The following ARHGEF10L variants were observed in gnomAD, a reference collection of about 807,000 sequenced individuals.
ARHGEF10L encodes the protein Rho guanine nucleotide exchange factor 10 like, also known as rho guanine nucleotide exchange factor 10-like protein.
A neutral mutation model predicts 141.2 loss-of-function variants in ARHGEF10L; 69 were observed. The observed-to-expected ratio is 0.49, with a 90% CI of 0.40 to 0.60. The LOEUF (loss-of-function observed/expected upper bound fraction) is 0.60. ARHGEF10L is among the 20% of genes least tolerant of loss of function. The pLI is 0.00. For synonymous variants in ARHGEF10L, 711 were observed against 718.5 expected, an observed-to-expected ratio of 0.99 and a Z score of 0.17; for missense variants, 1,482 against 1,734.3, an observed-to-expected ratio of 0.85 and a Z score of 2.58.
chr1:17,638,616 C>T lies in ARHGEF10L; in HGVS notation c.2098C>T (p.Arg700Trp), dbSNP rs985245757. The change falls in exon 20 of 29, where the codon CGG becomes TGG. Residue 700 changes from arginine (R) to tryptophan (W), a missense_variant. By Grantham distance (101) the Arg-to-Trp change is moderately radical. Around this residue, in one of 3 missense-constraint regions of ARHGEF10L, gnomAD observed 858 missense variants for 966.3 expected, o/e 0.89. Transcript: ENST00000361221. Reference protein sequence around the residue: ...DWCLALQRLMRVKEEEIHSAN... With the variant: ...DWCLALQRLMWVKEEEIHSAN... ...GTGCCTGGCCCTGCAGAGGCTGATG[C>T]GGGTGAAGGAGGAAGAGATCCACTC... 14 of 1,613,936 alleles carry T rather than the reference C, an allele frequency of 8.7e-6. No individual in the cohort carries two copies. The highest frequency in any genetic ancestry group is 2.2e-5 in the South Asian group (2 of 91,076).
chr1:17,537,681 G>A (rs1446957128), upstream of ARHGEF10L, among the ~76,000 whole-genome samples: 2 of 152,002 alleles, frequency 1.3e-5, no homozygotes, highest in African/African-American at 2.4e-5. Flanking sequence ...GGGGCATCCT[G>A]AGCTGGAGGC....
At chr1:17,583,876 G>C (rs531564238) in intron 2 of ARHGEF10L, among the ~76,000 whole-genome samples, 1 of 152,164 alleles carries the variant, frequency 6.6e-6, no homozygotes, top group South Asian at 2.1e-4. Flanking sequence ...TTTTGAGACA[G>C]GATTTTGCTC....
At position 17,623,287 on chromosome 1, in the gene ARHGEF10L, C is replaced by T; in HGVS notation, c.1200+112C>T. On this transcript the variant is annotated intron_variant, in intron 12 of 28. Transcript: ENST00000361221. The surrounding 1 kb of genome is among the most constrained non-coding windows in gnomAD (Gnocchi z 4.7). ...CTCTGCCTGCTTGCCTTGTTCAAGTCAGTGGGATTAGAGGGTGGCAGGGTC... is the reference window on the plus strand; with the variant it reads ...CTCTGCCTGCTTGCCTTGTTCAAGTTAGTGGGATTAGAGGGTGGCAGGGTC... 7.5e-7 allele frequency: 1 copy of T among 1,331,606 alleles called. No individual in the cohort carries two copies. The highest frequency in any genetic ancestry group is 1.4e-5 in the South Asian group (1 of 70,642). The allele number at this position is 1,331,606 out of a possible 1,614,324, so 82.5% of individuals were successfully genotyped here. A position where few individuals can be genotyped will look rare whatever the true frequency, so the allele number is the denominator to read the frequency against.
chr1:17,566,024 GTGTT>G (rs140868158), intron 1 of ARHGEF10L, among the ~76,000 whole-genome samples: 7,875 of 152,198 alleles, frequency 0.052, 239 homozygotes, highest in Non-Finnish European at 0.063. Flanking sequence ...TTGTAGCCTG[GTGTT>G]TGTCTGCCAT....
intron 21 of ARHGEF10L, 88 bp downstream of exon 21, chr1:17,640,390 C>A: frequency 9.1e-7 from 1 of 1,103,706 alleles, no homozygotes; most frequent in East Asian, 2.7e-5. Context: ...GATGGGTGTT[C>A]GGGGTCAGCG....
intron 26 of ARHGEF10L, among the ~76,000 whole-genome samples, chr1:17,666,344 G>A (rs2062974671): frequency 6.6e-6 from 1 of 152,228 alleles, no homozygotes; most frequent in Non-Finnish European, 1.5e-5. Flanking sequence ...TGCTGGGAAG[G>A]GGAGGTGGAG....
chr1:17,592,408 A>G (rs1489508796), intron 4 of ARHGEF10L, among the ~76,000 whole-genome samples: 1 of 151,978 alleles, frequency 6.6e-6, no homozygotes, highest in Non-Finnish European at 1.5e-5. Context: ...TCTGGATAAG[A>G]TGGTTGTACT....
At chr1:17,661,786 G>C (rs1268527163) in intron 25 of ARHGEF10L, among the ~76,000 whole-genome samples, 1 of 152,234 alleles carries the variant, frequency 6.6e-6, no homozygotes, top group Non-Finnish European at 1.5e-5. Flanking sequence ...CATTTTCTTG[G>C]CTCCAGCCTC....
At chr1:17,556,269 C>T (rs1486159904) in intron 1 of ARHGEF10L, among the ~76,000 whole-genome samples, 32 of 8,512 alleles carry the variant, frequency 3.8e-3, no homozygotes, top group African/African-American at 0.014. Context: ...GGGAGCATGG[C>T]GGCGGGGGGG....
At chr1:17,668,091 C>G (rs531228071) in intron 26 of ARHGEF10L, among the ~76,000 whole-genome samples, 2 of 152,152 alleles carry the variant, frequency 1.3e-5, no homozygotes, top group African/African-American at 4.8e-5. Flanking sequence ...GAGGACAAAC[C>G]GAGAACATTC....
chr1:17,524,745 A>G, the ARHGEF10L span, among the ~76,000 whole-genome samples: 264 of 152,244 alleles, frequency 1.7e-3, 1 homozygote, highest in African/African-American at 3.9e-3. Context: ...ATGTCTCCAG[A>G]AGTAAGCACC....
intron 2 of ARHGEF10L, among the ~76,000 whole-genome samples, chr1:17,583,168 G>A (rs1044304659): frequency 7.0e-5 from 10 of 142,266 alleles, no homozygotes; most frequent in Non-Finnish European, 1.2e-4. Context: ...TCGCACCACT[G>A]CCCTCCAGCC....
Position 17,623,071 on chromosome 1 carries a change from G to A in ARHGEF10L, c.1096G>A (p.Val366Met), listed in dbSNP as rs1473375822. 12 of 1,614,176 alleles carry A rather than the reference G, an allele frequency of 7.4e-6. No homozygotes were observed. Among genetic ancestry groups the A allele is most frequent in the Middle Eastern group, 1.7e-4 (1 of 6,056 alleles). ...ARKCQVVFFRVKEILHCHSMF... is the reference protein window; with the variant it reads ...ARKCQVVFFRMKEILHCHSMF... ...CAAGTGCCAGGTGGTGTTCTTCCGC[G>A]TGAAGGAGATCCTGCACTGCCACTC... Residue 366 changes from valine (V) to methionine (M), a missense_variant, in exon 12 of 29, where the codon GTG becomes ATG. Val to Met is a conservative substitution (Grantham distance 21). Transcript: ENST00000361221. This position sits in a 1 kb window ranked among gnomAD's most constrained non-coding sequence, Gnocchi z 4.7.
Position 17,602,126 on chromosome 1 carries a change from G to A in ARHGEF10L, c.258-1G>A, listed in dbSNP as rs2080740859. 1 of 1,563,720 alleles carries A rather than the reference G, an allele frequency of 6.4e-7. No individual in the cohort carries two copies. On this transcript the variant is annotated splice_acceptor_variant, in intron 4 of 28. Transcript: ENST00000361221. LOFTEE classifies it high-confidence loss of function. ...TCTGCAGTGCCATCTCTTGCCCGCA[G>A]GGTGCCAGCCTGGGTGAGCAATGGG...
At position 17,696,965 on chromosome 1, in the gene ARHGEF10L, G is replaced by T. The variant is rs147651088; in HGVS notation, c.3425G>T (p.Arg1142Leu). ...GACCAGGAGGAGGCTGAGGGGCCCC[G>T]GGCTGAGGAGGACAAGCCAGACGGG... ...RSDQEEAEGP[R>L]AEEDKPDGQA... Residue 1142 changes from arginine (R) to leucine (L), a missense_variant, in exon 29 of 29, where the codon CGG (arginine) becomes CTG (leucine). Transcript: ENST00000361221. 5 of 1,612,452 alleles carry T rather than the reference G, an allele frequency of 3.1e-6. No individual in the cohort carries two copies. Among genetic ancestry groups the T allele is most frequent in the Non-Finnish European group, 2.5e-6 (3 of 1,179,798 alleles).
chr1:17,558,113 CCA>C lies in ARHGEF10L; in HGVS notation c.-44+18164_-44+18165del, dbSNP rs1270949995. On this transcript the variant is annotated intron_variant, in intron 1 of 28. Transcript: ENST00000361221. The surrounding 1 kb of genome is among the most constrained non-coding windows in gnomAD (Gnocchi z 4.2). ...ATCTGTCTACCCGTTTGTCCATTGT[CCA>C]TCCATCCATCCATTCACTCATCCAT... Among the ~76,000 whole-genome samples the C allele has an allele frequency of 3.9e-5, 6 of 151,928 alleles. No homozygotes were observed. The highest frequency in any genetic ancestry group is 8.8e-5 in the Non-Finnish European group (6 of 67,978).
intron 15 of ARHGEF10L, 93 bp from the exon 16 acceptor site, chr1:17,632,228 C>G (rs933307685): frequency 4.1e-5 from 62 of 1,523,452 alleles, no homozygotes; most frequent in Non-Finnish European, 5.2e-5. Context: ...GCCTCAGTCT[C>G]CCTTTCTGCA....
At chr1:17,678,378 C>T (rs538523532) in intron 26 of ARHGEF10L, among the ~76,000 whole-genome samples, 8 of 151,164 alleles carry the variant, frequency 5.3e-5, no homozygotes, top group Admixed American at 3.9e-4. Context: ...TTCTATTCCA[C>T]TTCCTCCAGA....
the ARHGEF10L span, among the ~76,000 whole-genome samples, chr1:17,513,710 G>A: frequency 6.6e-6 from 1 of 152,178 alleles, no homozygotes; most frequent in African/African-American, 2.4e-5. Context: ...CCAATTGGAG[G>A]TATTAATTTT....
Sources: gnomAD v4.1 joint callset for allele counts (sites outside exome capture counted in the v4.1 genomes callset) on GRCh38, gnomAD v4.1.1 for gene constraint, gnomAD v4.1.1 regional missense constraint, Gnocchi (gnomAD v3.1) non-coding constraint, MANE v1.5 for transcripts, NCBI Gene and HGNC (gene_info 2026-07-23, HGNC 2026-07-21) for gene names.